Variants in DLG2 observed in about 807,000 individuals in gnomAD.
DLG2 encodes disks large homolog 2.
DLG2 carries 45 observed loss-of-function variants against 132.5 expected under a neutral mutation model. The ratio of observed to expected loss-of-function variants is 0.34; its 90% CI spans 0.27 to 0.44. DLG2 has a LOEUF of 0.44. Ranked by LOEUF, DLG2 falls within the 20% of genes least tolerant of loss-of-function variation. DLG2 has a pLI of 1.00. For synonymous variants in DLG2, 424 were observed against 419.6 expected, an observed-to-expected ratio of 1.01 and a Z score of -0.13; for missense variants, 1,045 against 1,196.9, an observed-to-expected ratio of 0.87 and a Z score of 1.87.
intron 3 of DLG2, among the ~76,000 whole-genome samples, chr11:85,594,024 A>T (rs1348011274): frequency 1.3e-5 from 2 of 152,214 alleles, no homozygotes; most frequent in African/African-American, 4.8e-5. Flanking sequence ...ATGAATAAAA[A>T]TTTATTAAAA....
At chr11:85,066,160 A>G (rs755775685) in intron 6 of DLG2, among the ~76,000 whole-genome samples, 8 of 151,770 alleles carry the variant, frequency 5.3e-5, no homozygotes, top group Non-Finnish European at 1.0e-4. Flanking sequence ...ATCAGAGACT[A>G]CTATGAGCAT....
intron 4 of DLG2, among the ~76,000 whole-genome samples, chr11:85,277,983 C>CGACCT (rs2077996075): frequency 6.6e-6 from 1 of 152,126 alleles, no homozygotes. Flanking sequence ...TGGCTCACAA[C>CGACCT]GACCTGAAGA....
intron 17 of DLG2, chr11:83,790,680 G>A: frequency 1.1e-6 from 1 of 883,214 alleles, no homozygotes; most frequent in Non-Finnish European, 1.9e-6. Context: ...ACCCACTCTG[G>A]GGCTCTGCAA....
At chr11:83,485,289 C>CATTA (rs2093430832) in intron 21 of DLG2, among the ~76,000 whole-genome samples, 1 of 152,130 alleles carries the variant, frequency 6.6e-6, no homozygotes, top group Non-Finnish European at 1.5e-5. Context: ...AAGGAAATTC[C>CATTA]ATTAATTCCA....
At chr11:84,143,255 C>CT (rs1287735838) in intron 9 of DLG2, among the ~76,000 whole-genome samples, 3 of 152,106 alleles carry the variant, frequency 2.0e-5, no homozygotes, top group Admixed American at 2.0e-4. Context: ...AAGGGACAAG[C>CT]TAACTCTGGG....
In DLG2 at chr11:85,118,914, A is replaced by C. The variant is rs144605412; in HGVS notation, c.283-7179T>G. Among the ~76,000 whole-genome samples, 704 of 151,764 alleles carry C rather than the reference A, an allele frequency of 4.6e-3. 32 individuals carry two copies. Among genetic ancestry groups the C allele is most frequent in the Admixed American group, 0.036 (548 of 15,196 alleles). On this transcript the variant is annotated intron_variant, in intron 5 of 27. Transcript: ENST00000376104. The stretch of plus-strand genomic sequence containing the variant: ...ATACATTATAATATATATAACATAT[A>C]TGTCTAGGGGCCTGATATATACTCT...
At chr11:83,661,153 G>A (rs1044284712) in intron 18 of DLG2, among the ~76,000 whole-genome samples, 1 of 152,046 alleles carries the variant, frequency 6.6e-6, no homozygotes, top group African/African-American at 2.4e-5. Flanking sequence ...TTGTGCTGTG[G>A]GGGATGTGCT....
chr11:84,021,874 G>A (rs1039719106), intron 11 of DLG2, among the ~76,000 whole-genome samples: 31 of 151,570 alleles, frequency 2.0e-4, no homozygotes, highest in African/African-American at 7.0e-4. Context: ...CAGCCTCCCA[G>A]GTAGCTGGGA....
At chr11:84,406,725 C>T (rs2098852332) in intron 7 of DLG2, among the ~76,000 whole-genome samples, 1 of 152,228 alleles carries the variant, frequency 6.6e-6, no homozygotes, top group Admixed American at 6.5e-5. Flanking sequence ...CTCCTCCATT[C>T]TCTCTGTATT....
intron 18 of DLG2, among the ~76,000 whole-genome samples, chr11:83,707,500 T>C (rs1026993425): frequency 1.3e-5 from 2 of 152,284 alleles, no homozygotes; most frequent in African/African-American, 4.8e-5. Flanking sequence ...TGAAAACCCA[T>C]CTTTATTAAA....
chr11:85,461,856 T>A (rs2092625751), intron 3 of DLG2, among the ~76,000 whole-genome samples: 2 of 151,824 alleles, frequency 1.3e-5, no homozygotes, highest in Admixed American at 1.3e-4. Flanking sequence ...ACCATCAGAG[T>A]GAACAGGCAA....
At chr11:84,914,184 G>T (rs11825345) in intron 6 of DLG2, among the ~76,000 whole-genome samples, 1 of 152,004 alleles carries the variant, frequency 6.6e-6, no homozygotes. Context: ...TTAAAGAAAG[G>T]TATTCCCTTG....
chr11:83,864,688 C>T (rs1476604047), intron 16 of DLG2, among the ~76,000 whole-genome samples: 2 of 152,182 alleles, frequency 1.3e-5, no homozygotes, highest in South Asian at 2.1e-4. Flanking sequence ...AATAAAGGGG[C>T]ATCTGGTCTG....
At chr11:83,634,032 ACT>A (rs2064159664) in intron 18 of DLG2, among the ~76,000 whole-genome samples, 1 of 151,992 alleles carries the variant, frequency 6.6e-6, no homozygotes, top group Non-Finnish European at 1.5e-5. Flanking sequence ...GACTCTAGTT[ACT>A]CTCAGCCTGA....
intron 4 of DLG2, among the ~76,000 whole-genome samples, chr11:85,263,501 T>C (rs537298821): frequency 2.0e-5 from 3 of 152,330 alleles, no homozygotes; most frequent in African/African-American, 7.2e-5. Flanking sequence ...TCCTCCCTTC[T>C]GGGCAAGACA....
chr11:84,967,452 A>G (rs1299722700), intron 6 of DLG2, among the ~76,000 whole-genome samples: 2 of 152,114 alleles, frequency 1.3e-5, no homozygotes, highest in Non-Finnish European at 1.5e-5. Flanking sequence ...GCTGACAAAT[A>G]TTCTCAAGCA....
Position 84,520,845 on chromosome 11 carries a change from C to G in DLG2, c.519+13725G>C, listed in dbSNP as rs1229964872. On this transcript the variant is annotated intron_variant, in intron 7 of 27. Coordinates refer to ENST00000376104, the MANE Select transcript of DLG2 (RefSeq NM_001142699.3). ...AATCTTAATTACTTCCCACAATGTG[C>G]TTCTATTATCATCAGTATATAAATG... Among the ~76,000 whole-genome samples the G allele has an allele frequency of 2.0e-5, 3 of 152,126 alleles. No homozygotes were observed. In the East Asian group the frequency reaches 5.8e-4, roughly 29 times the overall value.
intron 6 of DLG2, among the ~76,000 whole-genome samples, chr11:85,021,902 T>C (rs940795156): frequency 1.3e-5 from 2 of 152,180 alleles, no homozygotes; most frequent in Admixed American, 6.6e-5. Flanking sequence ...TCATTTATTA[T>C]GTCACAAAAA....
At position 84,313,234 on chromosome 11, in the gene DLG2, G is replaced by C. The variant is rs889828038; in HGVS notation, c.520-61943C>G. ...AAGTTCAAGCAATTCTCGTGCCTCA[G>C]CCTCCTGAGTAGCTGGGACTATGGT... On this transcript the variant is annotated intron_variant, in intron 7 of 27. Coordinates refer to ENST00000376104, the MANE Select transcript of DLG2 (RefSeq NM_001142699.3). Among the ~76,000 whole-genome samples, 11 of 151,988 alleles carry C rather than the reference G, an allele frequency of 7.2e-5. 1 individual carries two copies. Among genetic ancestry groups the C allele is most frequent in the Non-Finnish European group, 5.9e-5 (4 of 68,024 alleles).
Sources: gnomAD v4.1 joint callset for allele counts (sites outside exome capture counted in the v4.1 genomes callset) on GRCh38, gnomAD v4.1.1 for gene constraint, MANE v1.5 for transcripts, NCBI Gene and HGNC (gene_info 2026-07-23, HGNC 2026-07-21) for gene names.